The following NR2C2 variants were observed in gnomAD, a reference collection of about 807,000 sequenced individuals.
NR2C2 encodes the protein nuclear receptor subfamily 2 group C member 2.
Under a neutral mutation model 62.9 loss-of-function variants are expected in NR2C2, and 6 were observed. The observed-to-expected ratio is 0.10, with a 90% confidence interval of 0.05 to 0.19. The LOEUF is 0.19. Among genes scored for constraint, NR2C2 ranks in the 10% least tolerant of loss-of-function variants. The probability of loss-of-function intolerance (pLI) is 1.00; values close to 1 mark genes in which losing one functional copy is unlikely to be tolerated. For missense variants in NR2C2, 479 were observed against 762.7 expected (o/e 0.63, Z 4.38); for synonymous variants, 272 against 273.8 (o/e 0.99, Z 0.07).
intron 1 of NR2C2, among the ~76,000 whole-genome samples, chr3:14,964,537 A>G (rs1047184765): frequency 1.3e-5 from 2 of 151,104 alleles, no homozygotes; most frequent in Non-Finnish European, 2.9e-5. Context: ...TTTTTTTGAG[A>G]TGGAGTCTCG....
In NR2C2 at chr3:14,989,924, CAAAAAAAAA is replaced by C. The variant is rs34980642; in HGVS notation, c.-39-13931_-39-13923del. Among the ~76,000 whole-genome samples, 37 of 51,020 alleles carry C rather than the reference CAAAAAAAAA, an allele frequency of 7.3e-4. No homozygotes were observed. In the East Asian group the frequency reaches 9.1e-3, roughly 13 times the overall value. 33.5% of individuals were successfully genotyped at this position (51,020 alleles called of 152,430 possible). A position where few individuals can be genotyped will look rare whatever the true frequency, so the allele number is the denominator to read the frequency against. On this transcript the variant is annotated intron_variant, in intron 1 of 13. Transcript: ENST00000425241. Reference sequence around the variant, plus strand: ...GGGCGACAAGAGCAAGACTCCATCTCAAAAAAAAAAAAAAAAAAAAAAAAAAAAATTACT... The same window carrying C: ...GGGCGACAAGAGCAAGACTCCATCTCAAAAAAAAAAAAAAAAAAAATTACT...
chr3:14,948,533 C>T (rs1485764419), intron 1 of NR2C2: 1 of 108,076 alleles, frequency 9.3e-6, no homozygotes, highest in East Asian at 2.9e-4. Flanking sequence ...TTATGGGGCG[C>T]GGGAGCCCTG....
At chr3:14,955,400 A>G (rs1204554037) in intron 1 of NR2C2, among the ~76,000 whole-genome samples, 2 of 152,192 alleles carry the variant, frequency 1.3e-5, no homozygotes, top group African/African-American at 4.8e-5. Context: ...GATGTAAGCA[A>G]TTTTTGTTCC....
Position 15,045,551 on chromosome 3 carries a change from T to G in NR2C2, c.*2543T>G, listed in dbSNP as rs1575057575. ...TTTCTGAGATCCTCTTGGCCTTACT[T>G]TGAAGTGGCCTTTTCTTTAAGGATC... On this transcript the variant is annotated 3_prime_UTR_variant, in exon 14 of 14. Coordinates refer to ENST00000425241, the MANE Select transcript of NR2C2 (RefSeq NM_001291694.2). The G allele has an allele frequency of 7.6e-6, 1 of 131,456 alleles. No individual in the cohort carries two copies. The highest frequency in any genetic ancestry group is 7.2e-5 in the Admixed American group (1 of 13,910). The allele number at this position is 131,456 out of a possible 1,614,324, so 8.1% of individuals were successfully genotyped here.
intron 2 of NR2C2, among the ~76,000 whole-genome samples, chr3:15,005,243 A>G (rs1011324076): frequency 1.4e-5 from 2 of 145,090 alleles, no homozygotes; most frequent in Non-Finnish European, 3.0e-5. Context: ...CTGGAGTGCA[A>G]TGGCGTGAAC....
chr3:14,960,904 A>G (rs2039670868), intron 1 of NR2C2, among the ~76,000 whole-genome samples: 1 of 152,194 alleles, frequency 6.6e-6, no homozygotes, highest in Non-Finnish European at 1.5e-5. Flanking sequence ...TTCCATCTCC[A>G]TTAGTTGTAA....
intron 5 of NR2C2, among the ~76,000 whole-genome samples, chr3:15,022,265 C>G (rs145391609): frequency 6.6e-6 from 1 of 152,086 alleles, no homozygotes; most frequent in Admixed American, 6.6e-5. Flanking sequence ...AAATTGACAC[C>G]CATTAAACAG....
In NR2C2 at chr3:14,997,882, A is replaced by G. The variant is rs114167751; in HGVS notation, c.-39-5994A>G. Among the ~76,000 whole-genome samples the G allele has an allele frequency of 2.0e-5, 3 of 152,298 alleles. No homozygotes were observed. In the East Asian group the frequency reaches 5.8e-4, roughly 29 times the overall value. On this transcript the variant is annotated intron_variant, in intron 1 of 13. Transcript: ENST00000425241. ...ACAAGAGTATGCAACCATCACCACT[A>G]TCTAAATCCAGAATGTTTTTATCAT...
intron 9 of NR2C2, 110 bp downstream of exon 9, chr3:15,030,562 T>C: frequency 8.7e-7 from 1 of 1,150,118 alleles, no homozygotes; most frequent in Non-Finnish European, 1.2e-6. Flanking sequence ...GCATAGTGGC[T>C]CATGCCTGTA....
At chr3:14,971,965 C>T (rs1199394212) in intron 1 of NR2C2, among the ~76,000 whole-genome samples, 4 of 151,366 alleles carry the variant, frequency 2.6e-5, no homozygotes, top group Non-Finnish European at 1.5e-5. Context: ...TGCGCCACCA[C>T]GCCCAGGTGA....
chr3:15,014,891 T>G (rs2041463415), intron 3 of NR2C2, among the ~76,000 whole-genome samples: 1 of 152,230 alleles, frequency 6.6e-6, no homozygotes, highest in Non-Finnish European at 1.5e-5. Context: ...TTCCACCTTT[T>G]GGCTGTTGAA....
At chr3:15,010,115 C>T (rs1479187552) in intron 2 of NR2C2, among the ~76,000 whole-genome samples, 1 of 152,126 alleles carries the variant, frequency 6.6e-6, no homozygotes, top group Non-Finnish European at 1.5e-5. Context: ...ATGCACAATA[C>T]CTCTCCTCCA....
At chr3:14,950,761 C>T (rs574496873) in intron 1 of NR2C2, among the ~76,000 whole-genome samples, 1 of 152,192 alleles carries the variant, frequency 6.6e-6, no homozygotes, top group Non-Finnish European at 1.5e-5. Flanking sequence ...TTATCCAGCA[C>T]TTAGAAGAGT....
chr3:15,003,828 G>A, intron 1 of NR2C2, 48 bp from the exon 2 acceptor site: 1 of 1,275,172 alleles, frequency 7.8e-7, no homozygotes, highest in African/African-American at 1.5e-5. Flanking sequence ...GCCACCTCTG[G>A]GCATCATTCT....
At chr3:15,032,863 G>GA (rs1559306961) in intron 10 of NR2C2, among the ~76,000 whole-genome samples, 1 of 152,156 alleles carries the variant, frequency 6.6e-6, no homozygotes, top group Non-Finnish European at 1.5e-5. Context: ...AGGTGAATGT[G>GA]AATCAGCTGT....
chr3:15,040,813 T>G (rs9834685), intron 13 of NR2C2, among the ~76,000 whole-genome samples: 2,476 of 152,270 alleles, frequency 0.016, 62 homozygotes, highest in African/African-American at 0.056. Context: ...AGGGAATGCA[T>G]CCACACCCAG....
chr3:14,968,403 A>G (rs1225237512), intron 1 of NR2C2, among the ~76,000 whole-genome samples: 5 of 152,182 alleles, frequency 3.3e-5, no homozygotes, highest in East Asian at 1.9e-4. Context: ...ATCACTGGTC[A>G]TCAGAGAAAT....
At chr3:14,966,384 G>C (rs558150700) in intron 1 of NR2C2, among the ~76,000 whole-genome samples, 120 of 152,216 alleles carry the variant, frequency 7.9e-4, no homozygotes, top group Non-Finnish European at 1.5e-3. Context: ...TGAGCCGTGA[G>C]ATCAGACAGA....
intron 9 of NR2C2, 68 bp downstream of exon 9, chr3:15,030,520 C>G (rs549105573): frequency 9.7e-6 from 14 of 1,445,022 alleles, no homozygotes; most frequent in African/African-American, 1.5e-5. Flanking sequence ...CAAAGCCGAT[C>G]TGCAGTTTTA....
Sources: allele counts gnomAD v4.1 joint callset (sites outside exome capture counted in the v4.1 genomes callset), GRCh38; gene constraint gnomAD v4.1.1; transcripts MANE v1.5; gene names NCBI Gene and HGNC (gene_info 2026-07-23, HGNC 2026-07-21).